Variants in ATP13A2 observed in about 807,000 individuals in gnomAD.
The protein encoded by ATP13A2 is polyamine-transporting ATPase 13A2.
In ATP13A2, 83 loss-of-function variants were observed where a neutral mutation model predicts 138.3. The ratio of observed to expected loss-of-function variants is 0.60; its 90% confidence interval spans 0.50 to 0.72. The LOEUF is 0.72. Ranked by LOEUF, ATP13A2 falls within the 30% of genes least tolerant of loss-of-function variation. The probability of loss-of-function intolerance (pLI) is 0.00; values close to 1 mark genes in which losing one functional copy is unlikely to be tolerated. For missense variants in ATP13A2, 1,402 were observed against 1,606.4 expected (o/e 0.87, Z 2.17); for synonymous variants, 663 against 699.0 (o/e 0.95, Z 0.81).
rs779674096 is a variant in ATP13A2, at chr1:16,986,757, C to A, written c.3235+48G>T. On this transcript the variant is annotated intron_variant, in intron 27 of 28. Transcript: ENST00000326735. This position sits in a 1 kb window ranked among gnomAD's most constrained non-coding sequence, Gnocchi z 6.9. Reference sequence around the variant, plus strand: ...CATCTGCCTCCCCAGCACCCCAGGGCTCCTCCCTCCCTCCGCCAGCATCTC... The same window carrying A: ...CATCTGCCTCCCCAGCACCCCAGGGATCCTCCCTCCCTCCGCCAGCATCTC... The A allele has an allele frequency of 3.3e-6, 3 of 907,160 alleles. No homozygotes were observed. Among genetic ancestry groups the A allele is most frequent in the Non-Finnish European group, 4.4e-6 (3 of 686,446 alleles). 56.2% of individuals were successfully genotyped at this position (907,160 alleles called of 1,614,324 possible). A position where few individuals can be genotyped will look rare whatever the true frequency, so the allele number is the denominator to read the frequency against.
At position 16,992,878 on chromosome 1, in the gene ATP13A2, G is replaced by A. The variant is rs77967566; in HGVS notation, c.1750-297C>T. On this transcript the variant is annotated intron_variant, in intron 16 of 28. Coordinates refer to ENST00000326735, the MANE Select transcript of ATP13A2 (RefSeq NM_022089.4). ...CAGGCCTCTGTGGCCGTGCGCTGGC[G>A]CATAGTAGGCACTCAGCCTGAGGCC... Among the ~76,000 whole-genome samples the A allele has an allele frequency of 4.5e-3, 685 of 152,340 alleles. 5 individuals are homozygous for A. The highest frequency in any genetic ancestry group is 0.016 in the African/African-American group (661 of 41,578).
chr1:17,005,965 C>G (rs1289474233), intron 1 of ATP13A2, among the ~76,000 whole-genome samples, 187 bp from the exon 2 acceptor site: 1 of 152,102 alleles, frequency 6.6e-6, no homozygotes, highest in Non-Finnish European at 1.5e-5. Context: ...TGAAACCCAT[C>G]TCTACTAAAA....
intron 13 of ATP13A2, 28 bp from the exon 14 acceptor site, chr1:16,996,328 G>T (rs376289508): frequency 1.9e-5 from 30 of 1,613,834 alleles, no homozygotes; most frequent in East Asian, 2.2e-5. Flanking sequence ...GACTGAGTGG[G>T]ATTTGGGACC....
intron 8 of ATP13A2, among the ~76,000 whole-genome samples, chr1:17,001,494 T>C (rs1230966531): frequency 6.6e-6 from 1 of 152,096 alleles, no homozygotes; most frequent in South Asian, 2.1e-4. Context: ...CTGATTTCTA[T>C]GGGGCCAGAC....
At position 16,986,209 on chromosome 1, in the gene ATP13A2, C is replaced by G; in HGVS notation, c.*12G>C. 5 of 1,612,374 alleles carry G rather than the reference C, an allele frequency of 3.1e-6. No homozygotes were observed. The highest frequency in any genetic ancestry group is 4.2e-6 in the Non-Finnish European group (5 of 1,179,626). On this transcript the variant is annotated 3_prime_UTR_variant, in exon 29 of 29. Transcript: ENST00000326735. This position sits in a 1 kb window ranked among gnomAD's most constrained non-coding sequence, Gnocchi z 6.9. ...AGGGAGTTCCAGTGTCTGGGGTGCC[C>G]GTGGGCCTGCACTACCTCAGGGGGC...
intron 6 of ATP13A2, among the ~76,000 whole-genome samples, chr1:17,003,997 G>C (rs983208916): frequency 6.6e-6 from 1 of 152,132 alleles, no homozygotes; most frequent in African/African-American, 2.4e-5. Flanking sequence ...GTAGGTGGCA[G>C]AGCAGTGACT....
intron 25 of ATP13A2, 88 bp downstream of exon 25, chr1:16,988,050 T>G: frequency 8.1e-7 from 1 of 1,227,874 alleles, no homozygotes; most frequent in East Asian, 2.4e-5. Flanking sequence ...CGTCATCTAT[T>G]CTGGGACCTG....
intron 1 of ATP13A2, among the ~76,000 whole-genome samples, chr1:17,008,650 AC>A (rs2077656669): frequency 6.6e-6 from 1 of 151,948 alleles, no homozygotes; most frequent in African/African-American, 2.4e-5. Flanking sequence ...TGCTCCTTGT[AC>A]CTTAAAACCC....
At position 16,995,831 on chromosome 1, in the gene ATP13A2, G is replaced by A. The variant is rs1483464374; in HGVS notation, c.1542+145C>T. 1.0e-6 allele frequency: 1 copy of A among 960,750 alleles called. No individual in the cohort carries two copies. The highest frequency in any genetic ancestry group is 1.4e-5 in the South Asian group (1 of 71,868). 59.5% of individuals were successfully genotyped at this position (960,750 alleles called of 1,614,324 possible). On this transcript the variant is annotated intron_variant, in intron 15 of 28. Transcript: ENST00000326735. This position sits in a 1 kb window ranked among gnomAD's most constrained non-coding sequence, Gnocchi z 4.1. ...AGCCCAGTGAGGGCAGGAGTGGGATGGGGTGGATCCTCTGGGGGTTTCCAT... is the reference window on the plus strand; with the variant it reads ...AGCCCAGTGAGGGCAGGAGTGGGATAGGGTGGATCCTCTGGGGGTTTCCAT...
At chr1:16,990,868 AAT>A (rs1227291715) in intron 20 of ATP13A2, among the ~76,000 whole-genome samples, 2 of 151,914 alleles carry the variant, frequency 1.3e-5, no homozygotes, top group Non-Finnish European at 2.9e-5. Flanking sequence ...AGTGCCCATG[AAT>A]GTGTGTGCAC....
intron 1 of ATP13A2, 62 bp from the exon 2 acceptor site, chr1:17,005,840 A>G (rs1366268253): frequency 1.3e-6 from 2 of 1,497,434 alleles, no homozygotes; most frequent in African/African-American, 1.4e-5. Flanking sequence ...TTCCTTAAAA[A>G]CAATAAACAT....
intron 1 of ATP13A2, among the ~76,000 whole-genome samples, 198 bp from the exon 2 acceptor site, chr1:17,005,976 AT>A (rs773465338): frequency 6.6e-6 from 1 of 152,104 alleles, no homozygotes; most frequent in Non-Finnish European, 1.5e-5. Context: ...TCTACTAAAA[AT>A]AAAAAAAATT....
chr1:17,006,887 T>C (rs575235846), intron 1 of ATP13A2, among the ~76,000 whole-genome samples: 1 of 152,214 alleles, frequency 6.6e-6, no homozygotes, highest in South Asian at 2.1e-4. Flanking sequence ...GGTGGTTCTA[T>C]TGCAGATATT....
In ATP13A2 at chr1:16,986,718, C is replaced by A. The variant is rs528997540; in HGVS notation, c.3236-86G>T. 10 of 1,571,112 alleles carry A rather than the reference C, an allele frequency of 6.4e-6. No individual in the cohort carries two copies. In the East Asian group the frequency reaches 2.3e-4, roughly 37 times the overall value. On this transcript the variant is annotated intron_variant, in intron 27 of 28. Transcript: ENST00000326735. The surrounding 1 kb of genome is among the most constrained non-coding windows in gnomAD (Gnocchi z 6.9). Reference sequence around the variant, plus strand: ...TGTGCACGCCAGTCTTCCACTCGGCCGGCACCTCTCTCCCATCTGCCTCCC... The same window carrying A: ...TGTGCACGCCAGTCTTCCACTCGGCAGGCACCTCTCTCCCATCTGCCTCCC...
Position 17,002,053 on chromosome 1 carries a change from G to C in ATP13A2, c.686C>G (p.Pro229Arg). ...CCCTACCTCGTCCACCAGCAGCTGG[G>C]GGTAGGACTTGACCGGTATGCTGAT... ...NVISIPVKSY[P>R]QLLVDEALNP... Residue 229 changes from proline to arginine, a missense_variant, in exon 8 of 29, where the codon CCC becomes CGC. Coordinates refer to ENST00000326735, the MANE Select transcript of ATP13A2 (RefSeq NM_022089.4). 1 of 1,613,112 alleles carries C rather than the reference G, an allele frequency of 6.2e-7. No homozygotes were observed. Among genetic ancestry groups the C allele is most frequent in the South Asian group, 1.1e-5 (1 of 90,874 alleles).
chr1:16,996,430 A>G lies in ATP13A2; in HGVS notation c.1262T>C (p.Phe421Ser). ...CACAAACTTCATGCTGTGTTTATAG[A>G]ACTTGAAGTTGATGGGCCGGGGGTG... ...ILHPRPINFK[F>S]YKHSMKFVAA... Residue 421 changes from phenylalanine to serine, a missense_variant, in exon 13 of 29, where the codon TTC becomes TCC. Coordinates refer to ENST00000326735, the MANE Select transcript of ATP13A2 (RefSeq NM_022089.4). 6.2e-7 allele frequency: 1 copy of G among 1,614,072 alleles called. No individual in the cohort carries two copies. The highest frequency in any genetic ancestry group is 8.5e-7 in the Non-Finnish European group (1 of 1,180,000).
rs141058893 is a variant in ATP13A2, at chr1:16,991,702, C to T, written c.2251+32G>A. On this transcript the variant is annotated intron_variant, in intron 20 of 28. Transcript: ENST00000326735. Reference sequence around the variant, plus strand: ...CTGCCAGGAAGGGGCGGATTCTGCCCTGCTAGCCCGGGCCCCTACATGCCA... The same window carrying T: ...CTGCCAGGAAGGGGCGGATTCTGCCTTGCTAGCCCGGGCCCCTACATGCCA... The T allele has an allele frequency of 1.1e-4, 179 of 1,613,948 alleles. No individual in the cohort carries two copies. The African/African-American group carries it at 2.0e-3, about 18-fold the overall frequency.
At chr1:17,009,387 CTT>C (rs1161920218) in intron 1 of ATP13A2, among the ~76,000 whole-genome samples, 19,250 of 116,412 alleles carry the variant, frequency 0.17, 1,573 homozygotes, top group South Asian at 0.24. Context: ...GAGCCTCTTC[CTT>C]TTTTTTTTTT....
In ATP13A2 at chr1:17,002,277, G is replaced by A. The variant is rs746266493; in HGVS notation, c.635+19C>T. The A allele has an allele frequency of 4.4e-5, 71 of 1,611,674 alleles. No homozygotes were observed. Among genetic ancestry groups the A allele is most frequent in the Middle Eastern group, 3.3e-4 (2 of 6,080 alleles). On this transcript the variant is annotated intron_variant, in intron 7 of 28. Coordinates refer to ENST00000326735, the MANE Select transcript of ATP13A2 (RefSeq NM_022089.4). Reference sequence around the variant, plus strand: ...GGAGCCCCAGTTCTCAGGGCACCCCGGTCCAGGGCAGCACTGACCTCACCA... The same window carrying A: ...GGAGCCCCAGTTCTCAGGGCACCCCAGTCCAGGGCAGCACTGACCTCACCA...
Sources: allele counts gnomAD v4.1 joint callset (sites outside exome capture counted in the v4.1 genomes callset), GRCh38; gene constraint gnomAD v4.1.1; non-coding constraint Gnocchi (gnomAD v3.1); transcripts MANE v1.5; gene names NCBI Gene and HGNC (gene_info 2026-07-23, HGNC 2026-07-21).